The following TUSC3 variants were observed in gnomAD, a reference collection of about 807,000 sequenced individuals.
TUSC3 encodes the protein tumor suppressor candidate 3.
Under a neutral mutation model 44.8 loss-of-function variants are expected in TUSC3, and 45 were observed. That is an observed-to-expected ratio of 1.00 (90% CI 0.79 to 1.29). TUSC3 has a LOEUF of 1.29. Ranked by LOEUF, TUSC3 falls within the 50% of genes most tolerant of loss-of-function variation. The pLI, the probability that TUSC3 is intolerant of heterozygous loss-of-function variation, is 0.00. For synonymous variants in TUSC3, 212 were observed against 152.9 expected, an observed-to-expected ratio of 1.39 and a Z score of -2.85; for missense variants, 519 against 437.9, an observed-to-expected ratio of 1.19 and a Z score of -1.65.
intron 2 of TUSC3, among the ~76,000 whole-genome samples, chr8:15,526,652 T>G (rs960347272): frequency 6.6e-6 from 1 of 152,194 alleles, no homozygotes; most frequent in Non-Finnish European, 1.5e-5. Flanking sequence ...CTGCCATGAT[T>G]GTGAGGCCTC....
Position 15,495,876 on chromosome 8 carries a change from T to A in TUSC3, n.189+12393T>A, listed in dbSNP as rs185727772. On this transcript the variant is annotated intron_variant and non_coding_transcript_variant, in intron 2 of 5. Coordinates refer to the TUSC3 transcript ENST00000503191. Reference sequence around the variant, plus strand: ...AGTACAAATGGAGTAGTATCCTTGTTTACTACTCATTTATTTTGCCTCCAG... The same window carrying A: ...AGTACAAATGGAGTAGTATCCTTGTATACTACTCATTTATTTTGCCTCCAG... Among the ~76,000 whole-genome samples the A allele has an allele frequency of 3.7e-3, 562 of 152,272 alleles. 4 individuals are homozygous for A. The highest frequency in any genetic ancestry group is 0.013 in the African/African-American group (539 of 41,544).
intron 1 of TUSC3, among the ~76,000 whole-genome samples, chr8:15,615,931 A>C (rs1025433889): frequency 5.3e-5 from 8 of 152,192 alleles, no homozygotes; most frequent in African/African-American, 1.7e-4. Flanking sequence ...TTGTGGACTC[A>C]AGTGATCCTC....
intron 6 of TUSC3, among the ~76,000 whole-genome samples, chr8:15,682,117 G>C (rs1328212671): frequency 2.6e-5 from 4 of 152,142 alleles, no homozygotes; most frequent in African/African-American, 2.4e-5. Context: ...TTCATGTTCA[G>C]ATGAGAAGAA....
chr8:15,493,501 G>A (rs1020904458), intron 2 of TUSC3, among the ~76,000 whole-genome samples: 3 of 152,000 alleles, frequency 2.0e-5, no homozygotes, highest in Admixed American at 6.5e-5. Flanking sequence ...GGCCTTAAGC[G>A]ATCCTCCCAT....
Position 15,548,028 on chromosome 8 carries a change from A to T in TUSC3, c.138+7460A>T, listed in dbSNP as rs184503036. On this transcript the variant is annotated intron_variant, in intron 1 of 10. Transcript: ENST00000503731. ...TTTTTTCTTCTGTGAGAAGATAGCAATGTGAGCAATCTGCAGTCCAGAAGG... is the reference window on the plus strand; with the variant it reads ...TTTTTTCTTCTGTGAGAAGATAGCATTGTGAGCAATCTGCAGTCCAGAAGG... Among the ~76,000 whole-genome samples the T allele has an allele frequency of 4.4e-4, 67 of 151,554 alleles. 1 individual carries two copies. Among genetic ancestry groups the T allele is most frequent in the Non-Finnish European group, 7.2e-4 (49 of 67,796 alleles).
At chr8:15,811,071 G>A in the TUSC3 span, among the ~76,000 whole-genome samples, 12 of 152,264 alleles carry the variant, frequency 7.9e-5, no homozygotes, top group African/African-American at 1.9e-4. Context: ...AGGGGGAAGC[G>A]TATGAGAAAA....
intron 1 of TUSC3, among the ~76,000 whole-genome samples, chr8:15,617,397 CA>C: frequency 6.6e-6 from 1 of 152,058 alleles, no homozygotes; most frequent in South Asian, 2.1e-4. Flanking sequence ...CTAGGCTTCC[CA>C]AAGTGCTAGG....
intron 6 of TUSC3, among the ~76,000 whole-genome samples, chr8:15,690,161 C>G (rs902977578): frequency 6.6e-6 from 1 of 152,108 alleles, no homozygotes; most frequent in South Asian, 2.1e-4. Context: ...TTCTCTTCCA[C>G]AATCTCGCCA....
chr8:15,629,973 A>G (rs1057094224), intron 2 of TUSC3, among the ~76,000 whole-genome samples: 1 of 151,668 alleles, frequency 6.6e-6, no homozygotes, highest in Non-Finnish European at 1.5e-5. Flanking sequence ...AATTAAGACT[A>G]CTCTATATAA....
chr8:15,699,912 A>C (rs1477207), intron 6 of TUSC3, among the ~76,000 whole-genome samples: 2 of 152,106 alleles, frequency 1.3e-5, no homozygotes, highest in East Asian at 1.9e-4. Context: ...AAGCCTCTAT[A>C]TAATGTCTTG....
chr8:15,739,408 C>G (rs997001835), intron 7 of TUSC3, among the ~76,000 whole-genome samples: 1 of 152,060 alleles, frequency 6.6e-6, no homozygotes, highest in Non-Finnish European at 1.5e-5. Context: ...TTTTGACATG[C>G]TGAAATCTTA....
intron 1 of TUSC3, among the ~76,000 whole-genome samples, chr8:15,446,065 G>T (rs1390021399): frequency 6.6e-6 from 1 of 151,534 alleles, no homozygotes; most frequent in African/African-American, 2.4e-5. Flanking sequence ...TGGTGGGGCA[G>T]AGACGCTCCT....
At chr8:15,631,349 G>A (rs1388856006) in intron 2 of TUSC3, among the ~76,000 whole-genome samples, 4 of 152,014 alleles carry the variant, frequency 2.6e-5, no homozygotes, top group South Asian at 2.1e-4. Context: ...TACAGCAAAC[G>A]TTCATTATAT....
intron 2 of TUSC3, among the ~76,000 whole-genome samples, chr8:15,632,068 G>A (rs944927651): frequency 3.9e-5 from 6 of 152,118 alleles, no homozygotes; most frequent in Admixed American, 3.3e-4. Context: ...TATTAGTTCA[G>A]TGATATAATC....
intron 2 of TUSC3, among the ~76,000 whole-genome samples, chr8:15,497,507 C>G (rs1371441589): frequency 6.6e-6 from 1 of 152,118 alleles, no homozygotes; most frequent in Admixed American, 6.5e-5. Context: ...GCTATAGACC[C>G]ATGAAGAATT....
intron 1 of TUSC3, among the ~76,000 whole-genome samples, chr8:15,443,972 C>G (rs921058800): frequency 2.0e-5 from 3 of 152,124 alleles, no homozygotes; most frequent in African/African-American, 4.8e-5. Context: ...CCCCACCCCA[C>G]CAAGCTGTCC....
At chr8:15,626,577 G>A (rs560939625) in intron 2 of TUSC3, among the ~76,000 whole-genome samples, 9 of 152,320 alleles carry the variant, frequency 5.9e-5, no homozygotes, top group East Asian at 5.8e-4. Context: ...CTGCGACTGC[G>A]GACTCAGGCA....
chr8:15,683,837 T>C (rs181757696), intron 6 of TUSC3, among the ~76,000 whole-genome samples: 9 of 152,170 alleles, frequency 5.9e-5, no homozygotes, highest in African/African-American at 2.2e-4. Flanking sequence ...CTTGAAGGTT[T>C]GACTATGGTA....
At chr8:15,841,519 AT>A in the TUSC3 span, among the ~76,000 whole-genome samples, 204 of 146,108 alleles carry the variant, frequency 1.4e-3, no homozygotes, top group Middle Eastern at 7.2e-3. Flanking sequence ...ATGAGACAAA[AT>A]TTTTTTTTTT....
Sources: gnomAD v4.1 joint callset for allele counts (sites outside exome capture counted in the v4.1 genomes callset) on GRCh38, gnomAD v4.1.1 for gene constraint, MANE v1.5 for transcripts, NCBI Gene and HGNC (gene_info 2026-07-23, HGNC 2026-07-21) for gene names.